Variants in DPP6 observed in about 807,000 individuals in gnomAD.
DPP6 encodes the protein dipeptidyl peptidase like 6, also known as A-type potassium channel modulatory protein DPP6.
Under a neutral mutation model 122.6 loss-of-function variants are expected in DPP6, and 69 were observed. The ratio of observed to expected loss-of-function variants is 0.56; its 90% CI spans 0.46 to 0.69. The LOEUF is 0.69. DPP6 is among the 30% of genes least tolerant of loss of function. The probability of loss-of-function intolerance (pLI) is 0.00; values close to 1 mark genes in which losing one functional copy is unlikely to be tolerated. For synonymous variants in DPP6, 418 were observed against 433.1 expected (o/e 0.97, Z 0.43); for missense variants, 928 against 1,116.9 (o/e 0.83, Z 2.41).
intron 1 of DPP6, among the ~76,000 whole-genome samples, chr7:154,023,332 A>G (rs1451111847): frequency 6.8e-4 from 103 of 151,220 alleles, no homozygotes; most frequent in African/African-American, 2.2e-3. Context: ...ACACACACAC[A>G]CACACACACA....
Position 154,694,001 on chromosome 7 carries a change from G to A in DPP6, c.762+24560G>A, listed in dbSNP as rs182482382. ...CTCTAACAATATCGTAGACTGGGGT[G>A]CTTAGAAAAAACAAATTGATTTTTC... is the stretch of plus-strand genomic sequence containing the variant. On this transcript the variant is annotated intron_variant, in intron 7 of 25. Transcript: ENST00000377770. Among the ~76,000 whole-genome samples, 756 of 152,234 alleles carry A rather than the reference G, an allele frequency of 5.0e-3. 7 individuals carry two copies. The highest frequency in any genetic ancestry group is 0.017 in the African/African-American group (723 of 41,528).
intron 1 of DPP6, among the ~76,000 whole-genome samples, chr7:154,331,708 C>T (rs1034086163): frequency 2.6e-5 from 4 of 152,078 alleles, no homozygotes; most frequent in Non-Finnish European, 5.9e-5. Flanking sequence ...TCAAGGTAGA[C>T]GAGGTGTCAC....
Position 154,451,930 on chromosome 7 carries a change from C to T in DPP6, c.358+5602C>T, listed in dbSNP as rs528098426. Among the ~76,000 whole-genome samples, 7 of 152,306 alleles carry T rather than the reference C, an allele frequency of 4.6e-5. No homozygotes were observed. The East Asian group carries it at 7.7e-4, about 17-fold the overall frequency. On this transcript the variant is annotated intron_variant, in intron 2 of 25. Transcript: ENST00000377770. ...ACAGCAAATGTTGCACCGCTGCTCC[C>T]GCACCGAGGCCTGACTGCATCCACT...
chr7:154,330,364 G>A (rs1808817162), intron 1 of DPP6, among the ~76,000 whole-genome samples: 1 of 152,188 alleles, frequency 6.6e-6, no homozygotes, highest in African/African-American at 2.4e-5. Flanking sequence ...GATCTCTGAG[G>A]ACAAGGTATT....
intron 1 of DPP6, among the ~76,000 whole-genome samples, chr7:154,326,417 C>T (rs904815379): frequency 6.6e-6 from 1 of 152,084 alleles, no homozygotes; most frequent in South Asian, 2.1e-4. Flanking sequence ...TCTATATATA[C>T]TGTCACAAAA....
intron 10 of DPP6, among the ~76,000 whole-genome samples, chr7:154,783,637 G>A (rs935556786): frequency 8.5e-5 from 13 of 152,142 alleles, no homozygotes; most frequent in African/African-American, 2.2e-4. Context: ...GCATTATAAC[G>A]TTCCTGTAGA....
At chr7:154,638,235 C>G (rs1391336633) in intron 6 of DPP6, among the ~76,000 whole-genome samples, 1 of 152,176 alleles carries the variant, frequency 6.6e-6, no homozygotes. Flanking sequence ...TGGCCTCCCA[C>G]GAGGGTTCCT....
chr7:153,900,156 C>T (rs1037779987), intron 1 of DPP6, among the ~76,000 whole-genome samples: 8 of 151,846 alleles, frequency 5.3e-5, no homozygotes, highest in Admixed American at 6.6e-5. Flanking sequence ...TGTACCCATT[C>T]GCAAACTCTT....
At chr7:154,181,456 G>A (rs1282814941) in intron 1 of DPP6, among the ~76,000 whole-genome samples, 1 of 152,144 alleles carries the variant, frequency 6.6e-6, no homozygotes, top group African/African-American at 2.4e-5. Flanking sequence ...CCTCTCCAAT[G>A]TGAATGCCTC....
intron 5 of DPP6, among the ~76,000 whole-genome samples, chr7:154,632,509 C>A (rs553974142): frequency 6.6e-6 from 1 of 152,254 alleles, no homozygotes; most frequent in African/African-American, 2.4e-5. Flanking sequence ...CATGATGGAG[C>A]TACCAACTGA....
intron 8 of DPP6, among the ~76,000 whole-genome samples, chr7:154,739,437 G>T (rs1181935670): frequency 6.6e-6 from 1 of 152,188 alleles, no homozygotes; most frequent in Non-Finnish European, 1.5e-5. Context: ...GGTCCATCTG[G>T]TTGGGACACT....
intron 3 of DPP6, among the ~76,000 whole-genome samples, chr7:154,509,634 C>A: frequency 6.6e-6 from 1 of 151,990 alleles, no homozygotes; most frequent in Non-Finnish European, 1.5e-5. Flanking sequence ...GCTATATACC[C>A]AAGAAAAATG....
intron 1 of DPP6, among the ~76,000 whole-genome samples, chr7:154,067,705 A>G (rs922501363): frequency 7.2e-5 from 11 of 152,142 alleles, no homozygotes; most frequent in Non-Finnish European, 8.8e-5. Context: ...TCCAAAAAGC[A>G]GTAATGTTGC....
chr7:153,963,182 G>C (rs113801029), intron 1 of DPP6, among the ~76,000 whole-genome samples: 4,771 of 152,190 alleles, frequency 0.031, 270 homozygotes, highest in African/African-American at 0.11. Context: ...TAGGAGGGAA[G>C]GTGAGGCAGA....
intron 1 of DPP6, among the ~76,000 whole-genome samples, chr7:153,919,648 AG>A (rs1774240137): frequency 6.6e-6 from 1 of 152,204 alleles, no homozygotes; most frequent in Non-Finnish European, 1.5e-5. Flanking sequence ...GCCAGGAGTC[AG>A]GGGGAAATAA....
rs190955290 is a variant in DPP6 at position 154,083,100 on chromosome 7, C to T, written c.243+30037C>T. 4.0e-3 allele frequency among the ~76,000 whole-genome samples: 614 copies of T among 152,182 alleles called. 4 individuals are homozygous for T. The highest frequency in any genetic ancestry group is 0.014 in the African/African-American group (577 of 41,532). On this transcript the variant is annotated intron_variant, in intron 1 of 25. Transcript: ENST00000377770. ...TCCTGACCTCGTGATCCGCCCACCT[C>T]GACCTCCCAAAGTGCTGGGATTACA...
intron 4 of DPP6, among the ~76,000 whole-genome samples, chr7:154,559,811 A>G (rs2130464683): frequency 6.6e-6 from 1 of 151,996 alleles, no homozygotes; most frequent in African/African-American, 2.4e-5. Flanking sequence ...AGGCTGAGGC[A>G]GAAGGATCCC....
At chr7:154,103,261 G>T (rs979254634) in intron 1 of DPP6, among the ~76,000 whole-genome samples, 28 of 152,148 alleles carry the variant, frequency 1.8e-4, no homozygotes, top group Non-Finnish European at 3.2e-4. Flanking sequence ...TCTGCTCATT[G>T]CAGGAAGCGA....
the DPP6 span, among the ~76,000 whole-genome samples, chr7:153,805,331 G>A: frequency 9.2e-5 from 14 of 152,232 alleles, no homozygotes; most frequent in Admixed American, 7.8e-4. Context: ...CAAGGGCCCC[G>A]CAGAGAGTAA....
Sources: gnomAD v4.1 joint callset for allele counts (sites outside exome capture counted in the v4.1 genomes callset) on GRCh38, gnomAD v4.1.1 for gene constraint, MANE v1.5 for transcripts, NCBI Gene and HGNC (gene_info 2026-07-23, HGNC 2026-07-21) for gene names.